The following SHISA9 variants were observed in gnomAD, a reference collection of about 807,000 sequenced individuals.
SHISA9 encodes the protein protein shisa-9.
In SHISA9, 13 loss-of-function variants were observed where a neutral mutation model predicts 38.0. The ratio of observed to expected loss-of-function variants is 0.34; its 90% CI spans 0.22 to 0.54. SHISA9 has a LOEUF of 0.54. Ranked by LOEUF, SHISA9 falls within the 20% of genes least tolerant of loss-of-function variation. SHISA9 has a pLI of 0.91. For synonymous variants in SHISA9, 275 were observed against 242.0 expected, an observed-to-expected ratio of 1.14 and a Z score of -1.27; for missense variants, 538 against 575.8, an observed-to-expected ratio of 0.93 and a Z score of 0.67.
chr16:13,012,827 T>C (rs781464006), intron 2 of SHISA9, among the ~76,000 whole-genome samples: 1 of 152,164 alleles, frequency 6.6e-6, no homozygotes, highest in Non-Finnish European at 1.5e-5. Context: ...TGCTGGGTCC[T>C]GTGTCTCCAA....
chr16:12,965,116 T>C (rs1472582), intron 2 of SHISA9, among the ~76,000 whole-genome samples: 36,184 of 152,008 alleles, frequency 0.24, 4,736 homozygotes, highest in East Asian at 0.35. Flanking sequence ...CACCAAGTTA[T>C]TGGTTTTGTG....
chr16:13,115,733 T>A (rs2074025439), intron 2 of SHISA9, among the ~76,000 whole-genome samples: 1 of 152,190 alleles, frequency 6.6e-6, no homozygotes, highest in Non-Finnish European at 1.5e-5. Context: ...CTAGTCAGAC[T>A]AAACCTGGCC....
At chr16:13,456,953 G>A in the SHISA9 span, among the ~76,000 whole-genome samples, 17 of 152,316 alleles carry the variant, frequency 1.1e-4, no homozygotes, top group African/African-American at 4.1e-4. Flanking sequence ...TCTGCCCACA[G>A]GCCTATTCCC....
At chr16:13,243,385 A>G (rs935047111), downstream of SHISA9, among the ~76,000 whole-genome samples, 2 of 152,202 alleles carry the variant, frequency 1.3e-5, no homozygotes, top group East Asian at 1.9e-4. Flanking sequence ...ATGAGACATC[A>G]ATCAAGTACA....
At chr16:12,961,040 A>G (rs1604310) in intron 2 of SHISA9, among the ~76,000 whole-genome samples, 2 of 151,176 alleles carry the variant, frequency 1.3e-5, no homozygotes, top group African/African-American at 2.4e-5. Flanking sequence ...GGGATGATGA[A>G]AGGAGAGTGT....
chr16:12,926,622 G>A (rs1567341600), intron 2 of SHISA9, among the ~76,000 whole-genome samples: 1 of 152,148 alleles, frequency 6.6e-6, no homozygotes, highest in Non-Finnish European at 1.5e-5. Context: ...AGTTCAGGGT[G>A]CCATGGAGCC....
At chr16:13,433,060 C>G in the SHISA9 span, among the ~76,000 whole-genome samples, 3 of 149,278 alleles carry the variant, frequency 2.0e-5, no homozygotes, top group African/African-American at 4.9e-5. Flanking sequence ...TAACCCTGAA[C>G]TTAAAATAAA....
intron 2 of SHISA9, among the ~76,000 whole-genome samples, chr16:12,966,111 C>T (rs2071974681): frequency 6.6e-6 from 1 of 152,198 alleles, no homozygotes; most frequent in South Asian, 2.1e-4. Context: ...CAAGTTGTAA[C>T]AACCAAAATT....
chr16:13,157,497 A>G (rs1159047301), intron 2 of SHISA9, among the ~76,000 whole-genome samples: 1 of 152,216 alleles, frequency 6.6e-6, no homozygotes, highest in African/African-American at 2.4e-5. Flanking sequence ...TAAAACAGAG[A>G]TCACAAAATA....
chr16:13,370,594 G>A, the SHISA9 span, among the ~76,000 whole-genome samples: 5 of 152,216 alleles, frequency 3.3e-5, no homozygotes, highest in East Asian at 1.9e-4. Flanking sequence ...CTAATTGTAC[G>A]GAAATGAGAG....
chr16:13,151,795 G>T (rs2050501790), intron 2 of SHISA9, among the ~76,000 whole-genome samples: 1 of 152,136 alleles, frequency 6.6e-6, no homozygotes, highest in Admixed American at 6.5e-5. Flanking sequence ...GTCTTGAATT[G>T]CTATGAGAAT....
At chr16:13,214,120 C>A (rs1329444743) in intron 4 of SHISA9, among the ~76,000 whole-genome samples, 1 of 152,114 alleles carries the variant, frequency 6.6e-6, no homozygotes, top group Non-Finnish European at 1.5e-5. Flanking sequence ...TAGAATAGAC[C>A]AGAAACACCC....
At chr16:12,954,825 C>T (rs935028483) in intron 2 of SHISA9, among the ~76,000 whole-genome samples, 1 of 152,086 alleles carries the variant, frequency 6.6e-6, no homozygotes, top group Admixed American at 6.5e-5. Flanking sequence ...ATTCCAAAGG[C>T]CAGAGTATTA....
chr16:13,459,776 G>A, the SHISA9 span, among the ~76,000 whole-genome samples: 2 of 152,160 alleles, frequency 1.3e-5, no homozygotes, highest in Non-Finnish European at 2.9e-5. Context: ...TAGAAGCAAA[G>A]GACAAAAGGA....
chr16:13,196,367 A>G (rs924857895), intron 2 of SHISA9, among the ~76,000 whole-genome samples: 1 of 140,734 alleles, frequency 7.1e-6, no homozygotes, highest in Non-Finnish European at 1.5e-5. Context: ...ACTGCACTCC[A>G]GCCTGGGCGA....
intron 2 of SHISA9, among the ~76,000 whole-genome samples, chr16:13,086,972 C>G (rs554262644): frequency 6.8e-6 from 1 of 147,642 alleles, no homozygotes; most frequent in Non-Finnish European, 1.5e-5. Flanking sequence ...AAGCCCCCCA[C>G]CCCCCAACAG....
the SHISA9 span, among the ~76,000 whole-genome samples, chr16:13,439,773 T>C: frequency 6.6e-6 from 1 of 152,174 alleles, no homozygotes; most frequent in African/African-American, 2.4e-5. Flanking sequence ...TGCCAGCGTG[T>C]GAAAACCAAT....
the SHISA9 span, among the ~76,000 whole-genome samples, chr16:13,286,958 G>A: frequency 6.6e-6 from 1 of 152,120 alleles, no homozygotes; most frequent in African/African-American, 2.4e-5. Context: ...GGCAAATGGA[G>A]TGTGGGTATA....
intron 2 of SHISA9, among the ~76,000 whole-genome samples, chr16:13,058,348 C>T (rs967956900): frequency 6.6e-6 from 1 of 152,130 alleles, no homozygotes; most frequent in African/African-American, 2.4e-5. Context: ...ACCCAGGGTA[C>T]CTACTGCTCT....
Sources: gnomAD v4.1 joint callset for allele counts (sites outside exome capture counted in the v4.1 genomes callset) on GRCh38, gnomAD v4.1.1 for gene constraint, MANE v1.5 for transcripts, NCBI Gene and HGNC (gene_info 2026-07-23, HGNC 2026-07-21) for gene names.